Variants in DMXL1 observed in about 807,000 individuals in gnomAD.
DMXL1 encodes dmX-like protein 1.
In DMXL1, 99 loss-of-function variants were observed where a neutral mutation model predicts 319.2. The ratio of observed to expected loss-of-function variants is 0.31; its 90% CI spans 0.26 to 0.37. The LOEUF is 0.37. Among genes scored for constraint, DMXL1 ranks in the 10% least tolerant of loss-of-function variants. The probability of loss-of-function intolerance (pLI) is 1.00; values close to 1 mark genes in which losing one functional copy is unlikely to be tolerated. For synonymous variants in DMXL1, 1,385 were observed against 1,235.2 expected (o/e 1.12, Z -2.54); for missense variants, 3,745 against 3,595.6 (o/e 1.04, Z -1.06).
At chr5:119,129,921 C>G (rs750294759) in intron 10 of DMXL1, among the ~76,000 whole-genome samples, 1 of 152,152 alleles carries the variant, frequency 6.6e-6, no homozygotes, top group African/African-American at 2.4e-5. Context: ...CCTTGATTGA[C>G]GCATATCACT....
At chr5:119,124,361 T>G (rs1030924829) in intron 9 of DMXL1, among the ~76,000 whole-genome samples, 3 of 151,826 alleles carry the variant, frequency 2.0e-5, no homozygotes, top group African/African-American at 4.8e-5. Flanking sequence ...AACAAATGCT[T>G]TTTTAGCTGT....
At position 119,071,477 on chromosome 5, in the gene DMXL1, G is replaced by A. The variant is rs1749542487; in HGVS notation, c.-93G>A. 6.9e-6 allele frequency: 9 copies of A among 1,302,298 alleles called. No homozygotes were observed. The highest frequency in any genetic ancestry group is 2.1e-4 in the Middle Eastern group (1 of 4,836). 80.7% of individuals were successfully genotyped at this position (1,302,298 alleles called of 1,614,324 possible). ...GCTTCTGCCGTCGCCACCGAAGAGC[G>A]GCCGCCGCCCCTGAGGGAAGGAGGG... On this transcript the variant is annotated 5_prime_UTR_variant, in exon 1 of 44. Transcript: ENST00000539542.
intron 13 of DMXL1, among the ~76,000 whole-genome samples, chr5:119,142,922 C>T (rs184488282): frequency 1.6e-4 from 24 of 152,066 alleles, no homozygotes; most frequent in African/African-American, 5.5e-4. Flanking sequence ...AAAGCAACTT[C>T]TTTATGGAGG....
chr5:119,193,844 C>A lies in DMXL1; in HGVS notation c.7331C>A (p.Ser2444Tyr), dbSNP rs750218322. Residue 2444 changes from serine to tyrosine, a missense_variant, in exon 30 of 44, where the codon TCT (serine) becomes TAT (tyrosine). Transcript: ENST00000539542. ...YFIAKPFLPS[S>Y]QSRAEYDSEE... Reference sequence around the variant, plus strand: ...TTATTTTAGCCTTTTCTACCCTCTTCTCAAAGTAGAGCCGAATATGATTCA... The same window carrying A: ...TTATTTTAGCCTTTTCTACCCTCTTATCAAAGTAGAGCCGAATATGATTCA... 1.2e-6 allele frequency: 2 copies of A among 1,612,382 alleles called. No individual in the cohort carries two copies. Among genetic ancestry groups the A allele is most frequent in the African/African-American group, 2.7e-5 (2 of 74,828 alleles).
intron 23 of DMXL1, among the ~76,000 whole-genome samples, chr5:119,169,816 A>T (rs141214417): frequency 6.6e-6 from 1 of 152,210 alleles, no homozygotes; most frequent in Non-Finnish European, 1.5e-5. Context: ...GTTGAACCCT[A>T]GGAGACTCTC....
At chr5:119,238,466 T>A (rs1016217825) in intron 40 of DMXL1, among the ~76,000 whole-genome samples, 1 of 152,160 alleles carries the variant, frequency 6.6e-6, no homozygotes, top group Non-Finnish European at 1.5e-5. Flanking sequence ...TTGATGACTA[T>A]TAGTAATTTT....
At chr5:119,204,596 A>G (rs2896839) in intron 33 of DMXL1, among the ~76,000 whole-genome samples, 8,097 of 151,592 alleles carry the variant, frequency 0.053, 256 homozygotes, top group South Asian at 0.076. Flanking sequence ...AGTGCTAGTA[A>G]TAAATATCAG....
At chr5:119,185,070 A>G (rs1777466707) in intron 28 of DMXL1, among the ~76,000 whole-genome samples, 1 of 152,024 alleles carries the variant, frequency 6.6e-6, no homozygotes, top group African/African-American at 2.4e-5. Context: ...CATTGACAAA[A>G]TTTAGTTTCT....
chr5:119,184,329 G>A (rs1291189620), intron 28 of DMXL1, among the ~76,000 whole-genome samples: 1 of 152,136 alleles, frequency 6.6e-6, no homozygotes. Flanking sequence ...CTCCCAAATT[G>A]CTGGGATTAC....
intron 17 of DMXL1, among the ~76,000 whole-genome samples, chr5:119,148,317 T>C (rs1769028575): frequency 1.3e-5 from 2 of 152,136 alleles, no homozygotes; most frequent in Admixed American, 6.6e-5. Flanking sequence ...CATTGATACC[T>C]TTAAAATTAG....
intron 4 of DMXL1, among the ~76,000 whole-genome samples, chr5:119,109,666 T>C (rs1759142881): frequency 6.6e-6 from 1 of 152,240 alleles, no homozygotes; most frequent in Non-Finnish European, 1.5e-5. Flanking sequence ...CTTTCTGAAA[T>C]GCCTGTCTCT....
intron 25 of DMXL1, among the ~76,000 whole-genome samples, chr5:119,172,380 T>C (rs919640836): frequency 3.9e-5 from 6 of 152,214 alleles, no homozygotes; most frequent in African/African-American, 1.4e-4. Flanking sequence ...TTAAGGATAA[T>C]GTGAACTATT....
At chr5:119,139,329 G>C (rs1766751385) in intron 13 of DMXL1, among the ~76,000 whole-genome samples, 2 of 152,188 alleles carry the variant, frequency 1.3e-5, no homozygotes, top group African/African-American at 4.8e-5. Context: ...AAAAGGTATA[G>C]AGTGGCACAC....
intron 35 of DMXL1, among the ~76,000 whole-genome samples, chr5:119,219,540 T>C (rs1784286374): frequency 6.6e-6 from 1 of 151,912 alleles, no homozygotes; most frequent in Non-Finnish European, 1.5e-5. Context: ...GTTTTCTGTT[T>C]CAAAGATACA....
chr5:119,083,676 G>T lies in DMXL1; in HGVS notation c.87+12020G>T, dbSNP rs750100991. On this transcript the variant is annotated intron_variant, in intron 1 of 43. Coordinates refer to ENST00000539542, the MANE Select transcript of DMXL1 (RefSeq NM_001290321.3). ...CCTGCCTCTGCCTCGGAGTAGCTGG[G>T]ATTACAGGTGTGTGCCACCACGCCT... 7.9e-5 allele frequency among the ~76,000 whole-genome samples: 12 copies of T among 152,034 alleles called. 1 individual carries two copies. Among genetic ancestry groups the T allele is most frequent in the African/African-American group, 1.7e-4 (7 of 41,388 alleles).
At chr5:119,224,628 A>G (rs968855696) in intron 37 of DMXL1, 81 bp from the exon 38 acceptor site, 13 of 511,152 alleles carry the variant, frequency 2.5e-5, no homozygotes, top group Non-Finnish European at 4.5e-5. Flanking sequence ...AAATAAATGA[A>G]TGTTATTTGA....
intron 28 of DMXL1, among the ~76,000 whole-genome samples, chr5:119,183,798 T>A (rs1312881479): frequency 1.3e-5 from 2 of 152,130 alleles, no homozygotes; most frequent in African/African-American, 4.8e-5. Context: ...GAAGACCATA[T>A]AATATAAATT....
intron 1 of DMXL1, among the ~76,000 whole-genome samples, chr5:119,095,462 T>A (rs977110338): frequency 6.6e-6 from 1 of 152,234 alleles, no homozygotes; most frequent in African/African-American, 2.4e-5. Flanking sequence ...ATAGACTTGA[T>A]GTGGGAAAAT....
chr5:119,121,859 C>T (rs1456941250), intron 9 of DMXL1, among the ~76,000 whole-genome samples: 11 of 151,196 alleles, frequency 7.3e-5, no homozygotes, highest in African/African-American at 1.9e-4. Context: ...TAGGGGTGGC[C>T]GGGCAGAGGC....
Sources: gnomAD v4.1 joint callset for allele counts (sites outside exome capture counted in the v4.1 genomes callset) on GRCh38, gnomAD v4.1.1 for gene constraint, MANE v1.5 for transcripts, NCBI Gene and HGNC (gene_info 2026-07-23, HGNC 2026-07-21) for gene names.